CWC27: variants seen among roughly 807,000 people sequenced by gnomAD.
CWC27 encodes the protein CWC27 spliceosome associated cyclophilin.
Under a neutral mutation model 63.6 loss-of-function variants are expected in CWC27, and 47 were observed. The ratio of observed to expected loss-of-function variants is 0.74; its 90% confidence interval spans 0.58 to 0.94. The LOEUF is 0.94. Ranked by LOEUF, CWC27 falls within the 40% of genes least tolerant of loss-of-function variation. The pLI is 0.00. For synonymous variants in CWC27, 175 were observed against 179.8 expected (o/e 0.97, Z 0.22); for missense variants, 495 against 554.3 (o/e 0.89, Z 1.07).
intron 10 of CWC27, among the ~76,000 whole-genome samples, chr5:64,857,903 C>T (rs1352456112): frequency 6.6e-6 from 1 of 151,366 alleles, no homozygotes; most frequent in African/African-American, 2.4e-5. Context: ...TTTGGGAGGC[C>T]GAGGCGGGCG....
intron 11 of CWC27, among the ~76,000 whole-genome samples, chr5:64,919,469 AGTAC>A (rs1747955022): frequency 6.6e-6 from 1 of 152,166 alleles, no homozygotes; most frequent in Non-Finnish European, 1.5e-5. Context: ...TAGTGAGCAT[AGTAC>A]CCTATAGGTA....
intron 10 of CWC27, among the ~76,000 whole-genome samples, chr5:64,825,115 A>G (rs939835081): frequency 6.6e-6 from 1 of 152,166 alleles, no homozygotes; most frequent in African/African-American, 2.4e-5. Flanking sequence ...AAAATGAGCA[A>G]GTAGGTATAA....
chr5:64,887,838 G>T (rs933836138), intron 11 of CWC27, among the ~76,000 whole-genome samples: 1 of 152,024 alleles, frequency 6.6e-6, no homozygotes, highest in Non-Finnish European at 1.5e-5. Context: ...AATTTTAAAA[G>T]ATCACAGTAA....
chr5:64,878,637 C>T (rs1746857593), intron 10 of CWC27, among the ~76,000 whole-genome samples: 1 of 151,602 alleles, frequency 6.6e-6, no homozygotes, highest in South Asian at 2.1e-4. Flanking sequence ...CAAAGCTATA[C>T]TCAAGTGCCA....
rs771898756 is a variant in CWC27, at chr5:64,801,289, A to AT, written c.750-5dup. ...CTTGAAACTAAAATTTGTTTTGCTT[A>AT]TTTTTTTTATAGTGAAAAAGGTGAT... is the stretch of plus-strand genomic sequence containing the variant. On this transcript the variant is annotated splice_polypyrimidine_tract_variant and intron_variant, in intron 8 of 13. Transcript: ENST00000381070. 70 of 1,412,202 alleles carry AT rather than the reference A, an allele frequency of 5.0e-5. No homozygotes were observed. Among genetic ancestry groups the AT allele is most frequent in the East Asian group, 2.7e-4 (10 of 37,376 alleles). 87.5% of individuals were successfully genotyped at this position (1,412,202 alleles called of 1,614,324 possible). A position where few individuals can be genotyped will look rare whatever the true frequency, so the allele number is the denominator to read the frequency against.
intron 11 of CWC27, among the ~76,000 whole-genome samples, chr5:64,911,311 T>C (rs1325481450): frequency 6.6e-6 from 1 of 152,228 alleles, no homozygotes; most frequent in African/African-American, 2.4e-5. Flanking sequence ...AATATTTTAC[T>C]ATTTTACAAA....
In CWC27 at chr5:64,916,885, TTAGTAGTAGTAG is replaced by T. The variant is rs56214406; in HGVS notation, c.1042+31373_1042+31384del. Among the ~76,000 whole-genome samples, 193 of 144,066 alleles carry T rather than the reference TTAGTAGTAGTAG, an allele frequency of 1.3e-3. 1 individual carries two copies. The highest frequency in any genetic ancestry group is 2.1e-3 in the African/African-American group (78 of 38,040). The allele number at this position is 144,066 out of a possible 152,430, so 94.5% of individuals were successfully genotyped here. A position where few individuals can be genotyped will look rare whatever the true frequency, so the allele number is the denominator to read the frequency against. On this transcript the variant is annotated intron_variant, in intron 11 of 13. Coordinates refer to ENST00000381070, the MANE Select transcript of CWC27 (RefSeq NM_005869.4). ...GTAACTTTTGGTGGCAGTAGTAGTA[TTAGTAGTAGTAG>T]TAGTAGTAGTAGTAGTAGTAGTAGT...
chr5:65,009,050 A>G (rs1489327846), intron 13 of CWC27, among the ~76,000 whole-genome samples: 1 of 152,184 alleles, frequency 6.6e-6, no homozygotes, highest in Non-Finnish European at 1.5e-5. Context: ...AGGCTATACA[A>G]GAAGGATGGC....
chr5:64,843,357 C>T (rs1009850594), intron 10 of CWC27, among the ~76,000 whole-genome samples: 1 of 152,170 alleles, frequency 6.6e-6, no homozygotes, highest in African/African-American at 2.4e-5. Flanking sequence ...TAAAGATAGC[C>T]ACTTTCTCGG....
At chr5:64,996,737 T>C (rs1241688078) in intron 13 of CWC27, among the ~76,000 whole-genome samples, 2 of 152,138 alleles carry the variant, frequency 1.3e-5, no homozygotes, top group Non-Finnish European at 2.9e-5. Context: ...TGTGATTTTG[T>C]ATTGCTTATA....
At chr5:64,811,868 T>G (rs1194018773) in intron 10 of CWC27, among the ~76,000 whole-genome samples, 1 of 152,080 alleles carries the variant, frequency 6.6e-6, no homozygotes, top group African/African-American at 2.4e-5. Flanking sequence ...AATAGAGTCA[T>G]GTTTTCATAC....
intron 2 of CWC27, among the ~76,000 whole-genome samples, chr5:64,778,108 T>C (rs1450145181): frequency 6.6e-6 from 1 of 152,134 alleles, no homozygotes; most frequent in Non-Finnish European, 1.5e-5. Flanking sequence ...AAAACACAAG[T>C]AATAAAGACC....
intron 10 of CWC27, among the ~76,000 whole-genome samples, chr5:64,822,602 G>A (rs1745234739): frequency 6.6e-6 from 1 of 151,990 alleles, no homozygotes; most frequent in African/African-American, 2.4e-5. Flanking sequence ...AAATAAAGCT[G>A]GAAAAGATAG....
At chr5:64,812,194 A>G (rs1744895608) in intron 10 of CWC27, among the ~76,000 whole-genome samples, 1 of 152,124 alleles carries the variant, frequency 6.6e-6, no homozygotes, top group Non-Finnish European at 1.5e-5. Flanking sequence ...AATTTAAAGG[A>G]TAGTATACAT....
chr5:64,899,076 G>A (rs1429354690), intron 11 of CWC27, among the ~76,000 whole-genome samples: 1 of 152,148 alleles, frequency 6.6e-6, no homozygotes, highest in Admixed American at 6.5e-5. Context: ...TAAATATCAA[G>A]GATGGGAGAT....
intron 10 of CWC27, among the ~76,000 whole-genome samples, chr5:64,836,955 A>G (rs1371166166): frequency 3.3e-5 from 5 of 152,118 alleles, no homozygotes; most frequent in African/African-American, 7.2e-5. Context: ...ACTGGTTTAC[A>G]TAAATGAGAA....
chr5:64,791,889 A>AT (rs1744092271), intron 7 of CWC27, among the ~76,000 whole-genome samples: 5 of 151,954 alleles, frequency 3.3e-5, no homozygotes, highest in Admixed American at 3.3e-4. Flanking sequence ...TGTCCTGGCA[A>AT]TTTTTTATCC....
intron 7 of CWC27, among the ~76,000 whole-genome samples, chr5:64,792,213 G>C (rs974306952): frequency 1.3e-5 from 2 of 152,060 alleles, no homozygotes; most frequent in African/African-American, 4.8e-5. Flanking sequence ...AAAATCACTT[G>C]ACATATTTTT....
intron 10 of CWC27, among the ~76,000 whole-genome samples, chr5:64,869,292 A>G (rs964609637): frequency 6.6e-6 from 1 of 152,108 alleles, no homozygotes; most frequent in Non-Finnish European, 1.5e-5. Context: ...AAGAACCCAC[A>G]TAAATATAAA....
Sources: allele counts gnomAD v4.1 joint callset (sites outside exome capture counted in the v4.1 genomes callset), GRCh38; gene constraint gnomAD v4.1.1; transcripts MANE v1.5; gene names NCBI Gene and HGNC (gene_info 2026-07-23, HGNC 2026-07-21).